Variants in HMBOX1 observed in about 807,000 individuals in gnomAD.
HMBOX1 encodes the protein homeobox-containing protein 1.
HMBOX1 carries 14 observed loss-of-function variants against 54.5 expected under a neutral mutation model. That is an observed-to-expected ratio of 0.26 (90% CI 0.17 to 0.40). The LOEUF is 0.40. Ranked by LOEUF, HMBOX1 falls within the 10% of genes least tolerant of loss-of-function variation. The pLI, the probability that HMBOX1 is intolerant of heterozygous loss-of-function variation, is 1.00. For synonymous variants in HMBOX1, 160 were observed against 181.0 expected (o/e 0.88, Z 0.93); for missense variants, 332 against 514.4 (o/e 0.65, Z 3.43).
At chr8:29,012,599 A>G (rs1834359260) in intron 5 of HMBOX1, among the ~76,000 whole-genome samples, 1 of 152,236 alleles carries the variant, frequency 6.6e-6, no homozygotes, top group South Asian at 2.1e-4. Flanking sequence ...AAGCTGTGTT[A>G]GGAACTGGGA....
chr8:28,950,404 T>C (rs1266841940), intron 1 of HMBOX1, among the ~76,000 whole-genome samples: 2 of 152,216 alleles, frequency 1.3e-5, no homozygotes, highest in African/African-American at 4.8e-5. Flanking sequence ...CTGTAATACA[T>C]TTGTACTGTA....
chr8:28,890,274 G>A, upstream of HMBOX1: 1 of 184,340 alleles, frequency 5.4e-6, no homozygotes, highest in South Asian at 1.0e-4. Context: ...GATGGGCACG[G>A]GGCTTGCCGG....
chr8:28,943,787 GC>G (rs1019734076), intron 1 of HMBOX1, among the ~76,000 whole-genome samples: 3 of 152,164 alleles, frequency 2.0e-5, no homozygotes, highest in Admixed American at 2.0e-4. Flanking sequence ...CTGTCACTCT[GC>G]CCTGTGGTGA....
intron 6 of HMBOX1, among the ~76,000 whole-genome samples, chr8:29,030,451 T>A (rs1802780823): frequency 6.6e-6 from 1 of 152,178 alleles, no homozygotes; most frequent in African/African-American, 2.4e-5. Context: ...ACTCCCAACC[T>A]CAGGTGATCC....
At chr8:29,024,045 A>G (rs1172809247) in intron 6 of HMBOX1, among the ~76,000 whole-genome samples, 1 of 152,174 alleles carries the variant, frequency 6.6e-6, no homozygotes, top group Admixed American at 6.5e-5. Context: ...GTTGTATTGA[A>G]ATTTATTTCT....
At chr8:28,903,298 C>T (rs186972214) in intron 1 of HMBOX1, among the ~76,000 whole-genome samples, 3 of 152,298 alleles carry the variant, frequency 2.0e-5, no homozygotes, top group Admixed American at 1.3e-4. Context: ...CACTTGTGGC[C>T]TTTGAAAGGG....
intron 6 of HMBOX1, among the ~76,000 whole-genome samples, chr8:29,036,109 G>A (rs767117270): frequency 2.0e-5 from 3 of 152,160 alleles, no homozygotes; most frequent in African/African-American, 4.8e-5. Flanking sequence ...TCTAAATCCA[G>A]TGTTATGCTT....
At chr8:29,042,502 GC>G (rs1373864793) in intron 6 of HMBOX1, 1 of 379,270 alleles carries the variant, frequency 2.6e-6, no homozygotes, top group Non-Finnish European at 5.3e-6. Context: ...GGTAAGTGGG[GC>G]AGGAGATGGG....
At chr8:28,973,317 A>G (rs935857896) in intron 3 of HMBOX1, among the ~76,000 whole-genome samples, 2 of 152,282 alleles carry the variant, frequency 1.3e-5, no homozygotes, top group Admixed American at 1.3e-4. Flanking sequence ...TTTATTATCA[A>G]TATGTCACTG....
chr8:28,998,057 A>G (rs1454681170), intron 4 of HMBOX1, among the ~76,000 whole-genome samples: 1 of 152,188 alleles, frequency 6.6e-6, no homozygotes, highest in African/African-American at 2.4e-5. Flanking sequence ...TTGTGGGAAG[A>G]TGTTTGACTA....
intron 1 of HMBOX1, among the ~76,000 whole-genome samples, chr8:28,916,662 A>G (rs149863419): frequency 6.6e-6 from 1 of 152,250 alleles, no homozygotes; most frequent in African/African-American, 2.4e-5. Context: ...ATTCTATTCT[A>G]TTGATCTATC....
Position 29,044,909 on chromosome 8 carries a change from A to G in HMBOX1, c.852-452A>G, listed in dbSNP as rs539337577. 9.6e-4 allele frequency among the ~76,000 whole-genome samples: 147 copies of G among 152,338 alleles called. No homozygotes were observed. In the South Asian group the frequency reaches 0.011, roughly 11 times the overall value. On this transcript the variant is annotated intron_variant, in intron 6 of 9. Coordinates refer to ENST00000287701, the MANE Select transcript of HMBOX1 (RefSeq NM_001135726.3). Reference sequence around the variant, plus strand: ...TGGGTAATTTCCAATTTTTTCTACTACAAACAATTAGACAATAAAAAAAAG... The same window carrying G: ...TGGGTAATTTCCAATTTTTTCTACTGCAAACAATTAGACAATAAAAAAAAG...
intron 2 of HMBOX1, among the ~76,000 whole-genome samples, chr8:28,965,009 C>G (rs1826201723): frequency 6.6e-6 from 1 of 152,074 alleles, no homozygotes; most frequent in Admixed American, 6.5e-5. Context: ...TGCTCAAAGC[C>G]TAGAAGTTTC....
At chr8:28,936,236 G>A (rs1183846199) in intron 1 of HMBOX1, among the ~76,000 whole-genome samples, 5 of 151,970 alleles carry the variant, frequency 3.3e-5, no homozygotes, top group South Asian at 2.1e-4. Flanking sequence ...ATTCTTGACT[G>A]TAGGAATCAA....
chr8:28,915,252 A>AT (rs1000010233), intron 1 of HMBOX1, among the ~76,000 whole-genome samples: 9 of 151,970 alleles, frequency 5.9e-5, no homozygotes, highest in African/African-American at 1.7e-4. Context: ...GATGAAATTC[A>AT]TTTTTTTTAA....
At chr8:28,967,299 A>G (rs550303206) in intron 2 of HMBOX1, among the ~76,000 whole-genome samples, 10 of 152,344 alleles carry the variant, frequency 6.6e-5, no homozygotes, top group African/African-American at 1.7e-4. Flanking sequence ...TAGGTGGCCT[A>G]TTGTTTCTCC....
chr8:28,910,821 T>C (rs1415451054), intron 1 of HMBOX1, among the ~76,000 whole-genome samples: 1 of 152,246 alleles, frequency 6.6e-6, no homozygotes, highest in Non-Finnish European at 1.5e-5. Context: ...CCTTGTCTTT[T>C]CTTTCTCTTA....
chr8:28,903,914 G>T (rs950356397), intron 1 of HMBOX1, among the ~76,000 whole-genome samples: 1 of 152,174 alleles, frequency 6.6e-6, no homozygotes, highest in African/African-American at 2.4e-5. Flanking sequence ...TGCCACTACT[G>T]CAATGGGAGT....
At chr8:28,936,390 G>A (rs187537959) in intron 1 of HMBOX1, among the ~76,000 whole-genome samples, 81 of 151,928 alleles carry the variant, frequency 5.3e-4, no homozygotes, top group Admixed American at 3.0e-3. Flanking sequence ...CATTTATGAA[G>A]TAATATAACA....
Sources: allele counts gnomAD v4.1 joint callset (sites outside exome capture counted in the v4.1 genomes callset), GRCh38; gene constraint gnomAD v4.1.1; transcripts MANE v1.5; gene names NCBI Gene and HGNC (gene_info 2026-07-23, HGNC 2026-07-21).